MOB1B: variants seen among roughly 807,000 people sequenced by gnomAD.
MOB1B encodes MOB kinase activator 1B, also known as MOB1 Mps One Binder homolog B.
MOB1B carries 19 observed loss-of-function variants against 24.4 expected under a neutral mutation model. The ratio of observed to expected loss-of-function variants is 0.78; its 90% confidence interval spans 0.54 to 1.14. The LOEUF (loss-of-function observed/expected upper bound fraction) is 1.14. Ranked by LOEUF, MOB1B falls within the 50% of genes most tolerant of loss-of-function variation. The pLI is 0.00. For missense variants in MOB1B, 243 were observed against 259.6 expected (o/e 0.94, Z 0.44); for synonymous variants, 76 against 82.1 (o/e 0.93, Z 0.40).
chr4:70,935,847 A>ATTTTTTTCTTTTTTTTT (rs1737061248), intron 1 of MOB1B, among the ~76,000 whole-genome samples: 1 of 100,396 alleles, frequency 1.0e-5, no homozygotes, highest in African/African-American at 4.1e-5. Context: ...TGGTACACTA[A>ATTTTTTTCTTTTTTTTT]TTTTTTTTTT....
At chr4:70,937,725 C>T (rs1451320398) in intron 1 of MOB1B, among the ~76,000 whole-genome samples, 1 of 151,980 alleles carries the variant, frequency 6.6e-6, no homozygotes, top group East Asian at 1.9e-4. Flanking sequence ...GGGGTCTTCC[C>T]ATGTTGGCCA....
At chr4:70,973,068 C>A (rs533155288) in intron 3 of MOB1B, among the ~76,000 whole-genome samples, 1 of 152,076 alleles carries the variant, frequency 6.6e-6, no homozygotes, top group East Asian at 1.9e-4. Context: ...CCACCACGCC[C>A]GGCCTAATTA....
Position 70,976,770 on chromosome 4 carries a change from ATATATCTCTCTC to A in MOB1B, c.409+1486_409+1497del, listed in dbSNP as rs1264928941. On this transcript the variant is annotated intron_variant, in intron 4 of 5. Coordinates refer to ENST00000309395, the MANE Select transcript of MOB1B (RefSeq NM_173468.4). ...CTGAATTACATATATATATATATATATATATCTCTCTCTCTCAATCATAAGGGTTGGATGAGT... is the reference window on the plus strand; with the variant it reads ...CTGAATTACATATATATATATATATATCTCAATCATAAGGGTTGGATGAGT... 58 of 216,926 alleles carry A rather than the reference ATATATCTCTCTC, an allele frequency of 2.7e-4. 4 individuals are homozygous for A. Among genetic ancestry groups the A allele is most frequent in the African/African-American group, 1.2e-3 (44 of 37,396 alleles). The allele number at this position is 216,926 out of a possible 1,614,324, so 13.4% of individuals were successfully genotyped here. A position where few individuals can be genotyped will look rare whatever the true frequency, so the allele number is the denominator to read the frequency against.
chr4:70,923,685 C>G (rs1055680318), intron 1 of MOB1B, among the ~76,000 whole-genome samples: 2 of 151,890 alleles, frequency 1.3e-5, no homozygotes, highest in Non-Finnish European at 2.9e-5. Flanking sequence ...TGCGGTGGCT[C>G]AAGCCTGTAA....
chr4:70,938,290 T>C (rs1737166213), intron 1 of MOB1B, among the ~76,000 whole-genome samples: 1 of 126,252 alleles, frequency 7.9e-6, no homozygotes, highest in Non-Finnish European at 1.6e-5. Flanking sequence ...CAGGTCCTTA[T>C]ACATGGTGTG....
chr4:70,938,777 G>GT (rs11297851), intron 1 of MOB1B, among the ~76,000 whole-genome samples: 3 of 127,880 alleles, frequency 2.3e-5, no homozygotes, highest in Admixed American at 7.9e-5. Flanking sequence ...TTAGGATTGG[G>GT]TTTTTTTTTT....
rs1738945336 is a variant in MOB1B, at chr4:70,975,519, A to G, written c.409+233A>G. On this transcript the variant is annotated intron_variant, in intron 4 of 5. Transcript: ENST00000309395. ...TTCCCCTTTAACTTAGTGCTTTTAA[A>G]TGCTTAATTAGCTGAAAGTATAGGT... The G allele has an allele frequency of 1.3e-5, 16 of 1,185,530 alleles. No individual in the cohort carries two copies. In the South Asian group the frequency reaches 5.2e-4, roughly 39 times the overall value. The allele number at this position is 1,185,530 out of a possible 1,614,324, so 73.4% of individuals were successfully genotyped here.
At chr4:70,933,405 C>A (rs1736956298) in intron 1 of MOB1B, among the ~76,000 whole-genome samples, 1 of 152,066 alleles carries the variant, frequency 6.6e-6, no homozygotes, top group African/African-American at 2.4e-5. Context: ...CATTTTATTA[C>A]CATGTTTTGA....
rs879840219 is a variant in MOB1B, at chr4:70,953,261, C to T, written c.15-5613C>T. 2.7e-4 allele frequency among the ~76,000 whole-genome samples: 41 copies of T among 152,020 alleles called. 1 individual carries two copies. Among genetic ancestry groups the T allele is most frequent in the Admixed American group, 1.2e-3 (19 of 15,240 alleles). On this transcript the variant is annotated intron_variant, in intron 1 of 5. Coordinates refer to ENST00000309395, the MANE Select transcript of MOB1B (RefSeq NM_173468.4). ...GCCTGTCAGTTGGTCTTTTGACCTGCGAATGAGGAGCATTATTGACCACCA... is the reference window on the plus strand; with the variant it reads ...GCCTGTCAGTTGGTCTTTTGACCTGTGAATGAGGAGCATTATTGACCACCA...
chr4:70,938,286 C>G (rs974734616), intron 1 of MOB1B, among the ~76,000 whole-genome samples: 3 of 124,766 alleles, frequency 2.4e-5, no homozygotes, highest in African/African-American at 9.4e-5. Flanking sequence ...TTTTCAGGTC[C>G]TTATACATGG....
At chr4:70,979,390 A>G (rs1409680573) in intron 5 of MOB1B, 99 bp downstream of exon 5, 8 of 917,428 alleles carry the variant, frequency 8.7e-6, no homozygotes, top group Admixed American at 2.2e-5. Flanking sequence ...GGAATTTGCC[A>G]TATCTCTGTA....
At chr4:70,955,800 A>G (rs533985397) in intron 1 of MOB1B, among the ~76,000 whole-genome samples, 5 of 152,062 alleles carry the variant, frequency 3.3e-5, no homozygotes, top group African/African-American at 1.2e-4. Context: ...AATTTTGATA[A>G]AGGGTTAGAA....
In MOB1B at chr4:70,965,614, G is replaced by A. The variant is rs142336986; in HGVS notation, c.182-4317G>A. 1.0e-3 allele frequency among the ~76,000 whole-genome samples: 158 copies of A among 150,522 alleles called. 2 individuals are homozygous for A. In the East Asian group the frequency reaches 0.022, roughly 21 times the overall value. On this transcript the variant is annotated intron_variant, in intron 2 of 5. Coordinates refer to ENST00000309395, the MANE Select transcript of MOB1B (RefSeq NM_173468.4). ...AGATCGAGAGCATCCTGGCTAACAC[G>A]GCGGAACCCTGTCTCCACTAAAAAT...
At chr4:70,915,572 C>A (rs936202457) in intron 1 of MOB1B, among the ~76,000 whole-genome samples, 2 of 152,140 alleles carry the variant, frequency 1.3e-5, no homozygotes, top group Non-Finnish European at 1.5e-5. Flanking sequence ...AAGTTATAGT[C>A]ATTTACTTGG....
At position 70,978,561 on chromosome 4, in the gene MOB1B, C is replaced by G. The variant is rs943186635; in HGVS notation, c.410-567C>G. 3.5e-4 allele frequency among the ~76,000 whole-genome samples: 53 copies of G among 152,180 alleles called. 1 individual carries two copies. The highest frequency in any genetic ancestry group is 1.4e-3 in the South Asian group (7 of 4,830). The stretch of plus-strand genomic sequence containing the variant: ...CCCACCAACAGTATATAAGAGTTCC[C>G]TCTTCTCCACAGGGATTTTCTATTT... On this transcript the variant is annotated intron_variant, in intron 4 of 5. Transcript: ENST00000309395.
intron 1 of MOB1B, among the ~76,000 whole-genome samples, chr4:70,934,003 A>G (rs1736983175): frequency 6.6e-6 from 1 of 152,200 alleles, no homozygotes; most frequent in African/African-American, 2.4e-5. Flanking sequence ...CCTGGTCAAC[A>G]TGGCAAAGAT....
chr4:70,958,020 T>C (rs1301222773), intron 1 of MOB1B, among the ~76,000 whole-genome samples: 1 of 152,106 alleles, frequency 6.6e-6, no homozygotes, highest in African/African-American at 2.4e-5. Flanking sequence ...TGTCTGTGTC[T>C]CTGTGTGTGC....
intron 1 of MOB1B, among the ~76,000 whole-genome samples, chr4:70,957,040 T>C (rs1738088383): frequency 6.6e-6 from 1 of 151,282 alleles, no homozygotes; most frequent in Non-Finnish European, 1.5e-5. Flanking sequence ...GGGTGTAAAG[T>C]TGAGAGGAGG....
rs965987631 is a variant in MOB1B, at chr4:70,902,529, C to G, written c.-8C>G. ...ACCGCCGAGCCTGCAGCCTGCCCCG[C>G]GGCCAACATGAGCTTCTTGTTGTGA... is the stretch of plus-strand genomic sequence containing the variant. On this transcript the variant is annotated 5_prime_UTR_variant, in exon 1 of 6. Coordinates refer to ENST00000309395, the MANE Select transcript of MOB1B (RefSeq NM_173468.4). 3 of 1,564,818 alleles carry G rather than the reference C, an allele frequency of 1.9e-6. No homozygotes were observed. The South Asian group carries it at 3.5e-5, about 18-fold the overall frequency.
Sources: gnomAD v4.1 joint callset for allele counts (sites outside exome capture counted in the v4.1 genomes callset) on GRCh38, gnomAD v4.1.1 for gene constraint, MANE v1.5 for transcripts, NCBI Gene and HGNC (gene_info 2026-07-23, HGNC 2026-07-21) for gene names.